The following NEO1 variants were observed in gnomAD, a reference collection of about 807,000 sequenced individuals.
NEO1 encodes neogenin 1.
In NEO1, 63 loss-of-function variants were observed where a neutral mutation model predicts 159.7. That is an observed-to-expected ratio of 0.39 (90% CI 0.32 to 0.49). The LOEUF (loss-of-function observed/expected upper bound fraction) is 0.49. NEO1 is among the 20% of genes least tolerant of loss of function. The pLI is 0.85. For synonymous variants in NEO1, 633 were observed against 662.0 expected (o/e 0.96, Z 0.67); for missense variants, 1,615 against 1,831.0 (o/e 0.88, Z 2.15).
At chr15:73,234,567 A>G (rs553680017) in intron 7 of NEO1, among the ~76,000 whole-genome samples, 13 of 152,374 alleles carry the variant, frequency 8.5e-5, no homozygotes, top group Admixed American at 5.2e-4. Context: ...AAGGCAGTGC[A>G]TCTGTTGATG....
At chr15:73,296,931 G>A (rs1030501734) in intron 26 of NEO1, among the ~76,000 whole-genome samples, 3 of 152,174 alleles carry the variant, frequency 2.0e-5, no homozygotes, top group African/African-American at 7.2e-5. Context: ...GACAGCAGTT[G>A]GCCACAGATA....
chr15:73,298,920 A>C lies in NEO1; in HGVS notation c.4165+309A>C, dbSNP rs115247618. On this transcript the variant is annotated intron_variant, in intron 27 of 28. Coordinates refer to ENST00000261908, the MANE Select transcript of NEO1 (RefSeq NM_002499.4). ...TGGCATGGGAATGGATAGCAGATCTAGTCTGCCCAGACCCCTGGAATCACC... is the reference window on the plus strand; with the variant it reads ...TGGCATGGGAATGGATAGCAGATCTCGTCTGCCCAGACCCCTGGAATCACC... 6.1e-3 allele frequency among the ~76,000 whole-genome samples: 931 copies of C among 152,298 alleles called. 13 individuals carry two copies. The highest frequency in any genetic ancestry group is 0.021 in the African/African-American group (885 of 41,544).
rs574661422 is a variant in NEO1 at position 73,222,817 on chromosome 15, C to T, written c.1292-13530C>T. 5.3e-5 allele frequency among the ~76,000 whole-genome samples: 8 copies of T among 152,054 alleles called. No individual in the cohort carries two copies. In the East Asian group the frequency reaches 1.2e-3, roughly 22 times the overall value. On this transcript the variant is annotated intron_variant, in intron 7 of 28. Coordinates refer to ENST00000261908, the MANE Select transcript of NEO1 (RefSeq NM_002499.4). ...ATCTTGGTACTTTCCTTGCTTCCACCGGGTTTGGGTTTGGTTTGTCCTTAT... is the reference window on the plus strand; with the variant it reads ...ATCTTGGTACTTTCCTTGCTTCCACTGGGTTTGGGTTTGGTTTGTCCTTAT...
chr15:73,300,236 A>G (rs940664423), intron 27 of NEO1, among the ~76,000 whole-genome samples: 12 of 152,212 alleles, frequency 7.9e-5, no homozygotes, highest in African/African-American at 2.9e-4. Flanking sequence ...GTTTTCCAAA[A>G]TCCTGATTTT....
intron 7 of NEO1, among the ~76,000 whole-genome samples, chr15:73,224,632 T>C (rs940836057): frequency 2.6e-5 from 4 of 152,230 alleles, no homozygotes; most frequent in African/African-American, 9.6e-5. Flanking sequence ...TTTGCATTTC[T>C]ATAAGTGTGT....
At chr15:73,109,026 G>C (rs1243434396) in intron 1 of NEO1, among the ~76,000 whole-genome samples, 1 of 152,250 alleles carries the variant, frequency 6.6e-6, no homozygotes, top group East Asian at 1.9e-4. Context: ...TATTTTAGCT[G>C]TACTGGGGAG....
chr15:73,262,846 C>T (rs1041022527), intron 15 of NEO1, among the ~76,000 whole-genome samples: 2 of 152,120 alleles, frequency 1.3e-5, no homozygotes, highest in Non-Finnish European at 2.9e-5. Context: ...AGTGGTAAAT[C>T]GTGATATATC....
chr15:73,175,660 A>G (rs2035240906), intron 5 of NEO1, among the ~76,000 whole-genome samples: 1 of 152,214 alleles, frequency 6.6e-6, no homozygotes, highest in Non-Finnish European at 1.5e-5. Context: ...TGTCATTCAC[A>G]CTTTTCAAAT....
At chr15:73,225,960 G>A (rs1300566769) in intron 7 of NEO1, among the ~76,000 whole-genome samples, 2 of 152,172 alleles carry the variant, frequency 1.3e-5, no homozygotes, top group African/African-American at 4.8e-5. Context: ...AGCTCCCGGG[G>A]CCTTTCTCGC....
At chr15:73,178,598 A>C (rs1808252855) in intron 7 of NEO1, among the ~76,000 whole-genome samples, 171 bp downstream of exon 7, 1 of 152,224 alleles carries the variant, frequency 6.6e-6, no homozygotes, top group Non-Finnish European at 1.5e-5. Context: ...AATTACCTAG[A>C]AGCACAATTT....
At chr15:73,200,320 C>T (rs2036791975) in intron 7 of NEO1, among the ~76,000 whole-genome samples, 1 of 152,054 alleles carries the variant, frequency 6.6e-6, no homozygotes, top group Non-Finnish European at 1.5e-5. Flanking sequence ...GTCGCTTACA[C>T]CTATAATCAC....
intron 2 of NEO1, among the ~76,000 whole-genome samples, chr15:73,120,903 C>G (rs1189189523): frequency 6.6e-6 from 1 of 152,088 alleles, no homozygotes; most frequent in African/African-American, 2.4e-5. Context: ...ACCAAGAAAT[C>G]TCATATACCT....
Position 73,305,183 on chromosome 15 carries a change from T to C in NEO1, c.*2487T>C, listed in dbSNP as rs892515192. ...TTTTTATTTAGTATTGGAAATCCAA[T>C]ACACTTTTTTAATCCAATCAAACTC... On this transcript the variant is annotated 3_prime_UTR_variant, in exon 29 of 29. Coordinates refer to ENST00000261908, the MANE Select transcript of NEO1 (RefSeq NM_002499.4). The C allele has an allele frequency of 2.0e-5, 3 of 152,110 alleles. No individual in the cohort carries two copies. Among genetic ancestry groups the C allele is most frequent in the South Asian group, 2.1e-4 (1 of 4,830 alleles). The allele number at this position is 152,110 out of a possible 1,614,324, so 9.4% of individuals were successfully genotyped here.
At chr15:73,189,279 G>A (rs1417300249) in intron 7 of NEO1, among the ~76,000 whole-genome samples, 1 of 152,166 alleles carries the variant, frequency 6.6e-6, no homozygotes. Context: ...GCATATTCAA[G>A]TACTGTAGTC....
chr15:73,101,411 G>A (rs933619407), intron 1 of NEO1, among the ~76,000 whole-genome samples: 6 of 152,174 alleles, frequency 3.9e-5, no homozygotes, highest in African/African-American at 9.7e-5. Context: ...TCACGCGCAC[G>A]CGTGCGCACA....
At chr15:73,230,537 A>G (rs1323155947) in intron 7 of NEO1, among the ~76,000 whole-genome samples, 1 of 152,108 alleles carries the variant, frequency 6.6e-6, no homozygotes, top group African/African-American at 2.4e-5. Flanking sequence ...CCCTTAAAGC[A>G]CCACTCTAGC....
intron 5 of NEO1, among the ~76,000 whole-genome samples, chr15:73,155,213 G>A (rs1303623249): frequency 6.6e-6 from 1 of 151,806 alleles, no homozygotes; most frequent in Non-Finnish European, 1.5e-5. Flanking sequence ...CTGATGTTTG[G>A]TGGTGGTGGT....
chr15:73,065,274 C>T (rs951164571), intron 1 of NEO1, among the ~76,000 whole-genome samples: 2 of 151,672 alleles, frequency 1.3e-5, no homozygotes, highest in African/African-American at 2.4e-5. Context: ...GATTTACCCA[C>T]GTATTTCGTT....
chr15:73,143,652 A>T (rs913054703), intron 5 of NEO1: 1 of 152,806 alleles, frequency 6.5e-6, no homozygotes, highest in Non-Finnish European at 1.5e-5. Flanking sequence ...CTGCACTAGG[A>T]GTAAATTCTT....
Sources: allele counts gnomAD v4.1 joint callset (sites outside exome capture counted in the v4.1 genomes callset), GRCh38; gene constraint gnomAD v4.1.1; transcripts MANE v1.5; gene names NCBI Gene and HGNC (gene_info 2026-07-23, HGNC 2026-07-21).